Variants in CEP63 observed in about 807,000 individuals in gnomAD.
The protein encoded by CEP63 is centrosomal protein of 63 kDa.
Under a neutral mutation model 89.1 loss-of-function variants are expected in CEP63, and 84 were observed. That is an observed-to-expected ratio of 0.94 (90% CI 0.79 to 1.13). CEP63 has a LOEUF of 1.13. CEP63 is among the 50% of genes most tolerant of loss of function. The pLI is 0.00. For missense variants in CEP63, 838 were observed against 813.3 expected, an observed-to-expected ratio of 1.03 and a Z score of -0.37; for synonymous variants, 267 against 272.5, an observed-to-expected ratio of 0.98 and a Z score of 0.20.
intron 6 of CEP63, among the ~76,000 whole-genome samples, chr3:134,540,764 A>ATTT (rs58341628): frequency 2.2e-5 from 3 of 133,390 alleles, no homozygotes; most frequent in African/African-American, 5.7e-5. Flanking sequence ...TTGTTTTAGG[A>ATTT]TTTTTTTTTT....
chr3:134,751,880 A>AAC, the CEP63 span, among the ~76,000 whole-genome samples: 5 of 152,306 alleles, frequency 3.3e-5, no homozygotes, highest in African/African-American at 1.2e-4. Context: ...GGGAAAAAAA[A>AAC]GTCTGGGCTC....
chr3:134,521,788 C>T (rs137904923), intron 3 of CEP63, among the ~76,000 whole-genome samples: 26 of 152,166 alleles, frequency 1.7e-4, no homozygotes, highest in East Asian at 3.9e-4. Context: ...TAAATTGAAG[C>T]GCTAATTTCT....
the CEP63 span, chr3:134,639,924 T>G: frequency 8.7e-6 from 1 of 115,378 alleles, no homozygotes; most frequent in Non-Finnish European, 1.6e-5. Context: ...CACTCCAACC[T>G]GGGCCACAGA....
the CEP63 span, chr3:134,603,430 CCTGTGGCAGAGGTGGGACA>C: frequency 1.5e-6 from 1 of 687,088 alleles, no homozygotes; most frequent in East Asian, 2.6e-5. Flanking sequence ...GATCACAGCT[CCTGTGGCAGAGGTGGGACA>C]CTGAGGCAGA....
chr3:134,552,229 G>A, intron 12 of CEP63: 1 of 349,298 alleles, frequency 2.9e-6, no homozygotes, highest in Non-Finnish European at 5.3e-6. Context: ...TTGAGACGGG[G>A]TTTCACTCTT....
the CEP63 span, chr3:134,610,426 G>A: frequency 1.3e-6 from 2 of 1,555,934 alleles, no homozygotes; most frequent in East Asian, 4.5e-5. Context: ...TCCCGCTGTG[G>A]CTTGCCTCCA....
At chr3:134,545,276 G>GT (rs1953018836) in intron 6 of CEP63, among the ~76,000 whole-genome samples, 1 of 151,960 alleles carries the variant, frequency 6.6e-6, no homozygotes, top group South Asian at 2.1e-4. Flanking sequence ...GATTACAGGC[G>GT]TGATCCACTG....
At chr3:134,555,253 C>T (rs1045504503) in intron 12 of CEP63, among the ~76,000 whole-genome samples, 2 of 152,088 alleles carry the variant, frequency 1.3e-5, no homozygotes, top group African/African-American at 2.4e-5. Context: ...ATTCAACATA[C>T]TGTTGGAAGT....
In CEP63 at chr3:134,584,440, G is replaced by T. The variant is rs144444721; in HGVS notation, c.1207-3018G>T. 9.7e-3 allele frequency among the ~76,000 whole-genome samples: 1,474 copies of T among 152,228 alleles called. 8 individuals are homozygous for T. Among genetic ancestry groups the T allele is most frequent in the Non-Finnish European group, 0.011 (777 of 68,028 alleles). ...TCTGCATCTATTGAGATAATCATGT[G>T]GTTTTTGTCGTTGGTTCTGTTTATG... On this transcript the variant is annotated intron_variant, in intron 10 of 10. Coordinates refer to the CEP63 transcript ENST00000683931.
the CEP63 span, among the ~76,000 whole-genome samples, chr3:134,771,121 G>T: frequency 6.6e-6 from 1 of 152,126 alleles, no homozygotes; most frequent in East Asian, 1.9e-4. Flanking sequence ...CTGGAATAAG[G>T]TTCTCAGTGC....
chr3:134,736,335 A>T, the CEP63 span, among the ~76,000 whole-genome samples: 9 of 152,310 alleles, frequency 5.9e-5, no homozygotes, highest in South Asian at 1.9e-3. Context: ...TTAACATTTT[A>T]CAAGAGGCTG....
At chr3:134,510,643 C>T (rs943701874) in intron 3 of CEP63, 13 of 647,866 alleles carry the variant, frequency 2.0e-5, no homozygotes, top group African/African-American at 3.7e-5. Flanking sequence ...GAAGAGTGCA[C>T]TCACTCTCCC....
chr3:134,599,016 G>T, the CEP63 span, among the ~76,000 whole-genome samples: 9 of 152,344 alleles, frequency 5.9e-5, no homozygotes, highest in East Asian at 1.7e-3. Context: ...TCTGCCAGGG[G>T]CTCCAGGGGC....
chr3:134,686,535 T>C, the CEP63 span, among the ~76,000 whole-genome samples: 1 of 152,170 alleles, frequency 6.6e-6, no homozygotes, highest in African/African-American at 2.4e-5. Context: ...TGGGTGTTGC[T>C]CTGGGCCTTG....
the CEP63 span, among the ~76,000 whole-genome samples, chr3:134,723,641 C>T: frequency 1.3e-5 from 2 of 152,184 alleles, no homozygotes; most frequent in African/African-American, 2.4e-5. Context: ...GCGATGGAAC[C>T]ACCTTAAAGG....
chr3:134,759,617 A>G, the CEP63 span, among the ~76,000 whole-genome samples: 1 of 152,208 alleles, frequency 6.6e-6, no homozygotes, highest in African/African-American at 2.4e-5. Flanking sequence ...CTATTGGAGA[A>G]AGGAAAAACC....
the CEP63 span, among the ~76,000 whole-genome samples, chr3:134,776,254 A>G: frequency 6.6e-6 from 1 of 152,240 alleles, no homozygotes; most frequent in Non-Finnish European, 1.5e-5. Flanking sequence ...GTTCTGCTCA[A>G]TAGAAATATA....
At chr3:134,518,785 A>G (rs1379413476) in intron 3 of CEP63, among the ~76,000 whole-genome samples, 3 of 152,098 alleles carry the variant, frequency 2.0e-5, no homozygotes, top group African/African-American at 4.8e-5. Context: ...CAAAGAAATG[A>G]GAAAGAAAAG....
At chr3:134,567,112 G>C (rs759717230), downstream of CEP63, among the ~76,000 whole-genome samples, 3 of 149,372 alleles carry the variant, frequency 2.0e-5, no homozygotes, top group Non-Finnish European at 3.0e-5. Context: ...TTATACTACT[G>C]ATGCCACAGC....
Sources: gnomAD v4.1 joint callset for allele counts (sites outside exome capture counted in the v4.1 genomes callset) on GRCh38, gnomAD v4.1.1 for gene constraint, MANE v1.5 for transcripts, NCBI Gene and HGNC (gene_info 2026-07-23, HGNC 2026-07-21) for gene names.